PDCD10: variants seen among roughly 807,000 people sequenced by gnomAD.
PDCD10 encodes programmed cell death 10.
In PDCD10, 4 loss-of-function variants were observed where a neutral mutation model predicts 29.2. That is an observed-to-expected ratio of 0.14 (90% CI 0.07 to 0.31). The LOEUF is 0.31. Among genes scored for constraint, PDCD10 ranks in the 10% least tolerant of loss-of-function variants. The probability of loss-of-function intolerance (pLI) is 1.00; values close to 1 mark genes in which losing one functional copy is unlikely to be tolerated. For missense variants in PDCD10, 183 were observed against 257.9 expected (o/e 0.71, Z 1.99); for synonymous variants, 70 against 82.2 (o/e 0.85, Z 0.80).
intron 6 of PDCD10, among the ~76,000 whole-genome samples, chr3:167,693,806 A>T (rs1324302805): frequency 6.6e-6 from 1 of 151,988 alleles, no homozygotes; most frequent in Non-Finnish European, 1.5e-5. Flanking sequence ...AAAAAAAGAA[A>T]TTAGCTTGGT....
chr3:167,727,320 T>C (rs1290997492), intron 2 of PDCD10, among the ~76,000 whole-genome samples: 1 of 152,218 alleles, frequency 6.6e-6, no homozygotes, highest in Non-Finnish European at 1.5e-5. Context: ...AAGCAACTTG[T>C]TCAGGGGGAA....
chr3:167,699,539 G>A (rs1415081470), intron 4 of PDCD10, among the ~76,000 whole-genome samples: 3 of 152,162 alleles, frequency 2.0e-5, no homozygotes, highest in Non-Finnish European at 4.4e-5. Flanking sequence ...CTGACAAAAT[G>A]AATAAATATG....
At chr3:167,697,806 A>T in intron 4 of PDCD10, 1 of 392,456 alleles carries the variant, frequency 2.5e-6, no homozygotes, top group South Asian at 1.9e-5. Flanking sequence ...AAGACACTAA[A>T]ATTTTCTAGC....
intron 3 of PDCD10, among the ~76,000 whole-genome samples, chr3:167,714,173 T>C (rs1053904093): frequency 2.0e-5 from 3 of 151,976 alleles, no homozygotes; most frequent in Non-Finnish European, 2.9e-5. Context: ...AACAATACAT[T>C]AGAAAGATCA....
chr3:167,703,110 G>A (rs1256053900), intron 4 of PDCD10, among the ~76,000 whole-genome samples: 5 of 152,014 alleles, frequency 3.3e-5, no homozygotes, highest in African/African-American at 1.2e-4. Flanking sequence ...CTCTGTTCCT[G>A]GCATTAGAAA....
intron 6 of PDCD10, among the ~76,000 whole-genome samples, chr3:167,690,101 C>G (rs1720059928): frequency 6.6e-6 from 1 of 152,136 alleles, no homozygotes; most frequent in South Asian, 2.1e-4. Context: ...ATGAATGCGG[C>G]TTGGTGCAGA....
intron 6 of PDCD10, among the ~76,000 whole-genome samples, chr3:167,690,868 C>T (rs1171137368): frequency 6.6e-6 from 1 of 152,132 alleles, no homozygotes; most frequent in Non-Finnish European, 1.5e-5. Context: ...AACTTATATC[C>T]AAGGTTACAT....
chr3:167,693,572 A>C (rs969363015), intron 6 of PDCD10, among the ~76,000 whole-genome samples: 2 of 152,190 alleles, frequency 1.3e-5, no homozygotes, highest in Non-Finnish European at 2.9e-5. Context: ...AGTGCACACA[A>C]TTCTGATAGG....
rs1441152908 is a variant in PDCD10, at chr3:167,705,008, C to T, written c.97-113G>A. 1.1e-5 allele frequency: 7 copies of T among 658,182 alleles called. No individual in the cohort carries two copies. In the Admixed American group the frequency reaches 1.6e-4, roughly 15 times the overall value. 40.8% of individuals were successfully genotyped at this position (658,182 alleles called of 1,614,324 possible). A position where few individuals can be genotyped will look rare whatever the true frequency, so the allele number is the denominator to read the frequency against. On this transcript the variant is annotated intron_variant, in intron 3 of 8. Coordinates refer to ENST00000392750, the MANE Select transcript of PDCD10 (RefSeq NM_007217.4). ...ACACATTAAACATTTAATCAACATT[C>T]TTGTTAACAATTGTACATCACCGTA...
chr3:167,707,845 C>A (rs1312823437), intron 3 of PDCD10, among the ~76,000 whole-genome samples: 1 of 152,080 alleles, frequency 6.6e-6, no homozygotes, highest in Non-Finnish European at 1.5e-5. Flanking sequence ...ACTGCTTGGG[C>A]CTCAGTTACA....
intron 4 of PDCD10, among the ~76,000 whole-genome samples, chr3:167,703,251 C>A (rs1047435071): frequency 1.3e-5 from 2 of 151,864 alleles, no homozygotes; most frequent in Non-Finnish European, 2.9e-5. Flanking sequence ...CAAAGCCAAA[C>A]TGACACTCAA....
intron 4 of PDCD10, among the ~76,000 whole-genome samples, chr3:167,703,298 T>C (rs1322413013): frequency 2.0e-5 from 3 of 152,048 alleles, no homozygotes; most frequent in South Asian, 2.1e-4. Flanking sequence ...AAAATGATTA[T>C]GGTGTTGCTT....
In PDCD10 at chr3:167,688,147, A is replaced by G. The variant is rs567045089; in HGVS notation, c.396-454T>C. On this transcript the variant is annotated intron_variant, in intron 6 of 8. Coordinates refer to ENST00000392750, the MANE Select transcript of PDCD10 (RefSeq NM_007217.4). The stretch of plus-strand genomic sequence containing the variant: ...TAATATTCTGCATTACATATAACTC[A>G]ATTCTGTATTTAACAATGCTGTATG... Among the ~76,000 whole-genome samples the G allele has an allele frequency of 7.2e-5, 11 of 152,274 alleles. No individual in the cohort carries two copies. In the South Asian group the frequency reaches 2.3e-3, roughly 32 times the overall value.
chr3:167,730,051 AT>A (rs1472222237), intron 2 of PDCD10, among the ~76,000 whole-genome samples: 15 of 152,180 alleles, frequency 9.9e-5, no homozygotes, highest in Admixed American at 2.0e-4. Flanking sequence ...TAAGTGTAAT[AT>A]AATACACTTA....
intron 2 of PDCD10, chr3:167,731,059 G>A (rs1724751150): frequency 1.3e-5 from 2 of 152,100 alleles, no homozygotes; most frequent in Non-Finnish European, 2.9e-5. Flanking sequence ...TCTAACCATG[G>A]TTCCAGTACC....
At position 167,683,976 on chromosome 3, in the gene PDCD10, T is replaced by TTA; in HGVS notation, c.*331_*332insTA. On this transcript the variant is annotated 3_prime_UTR_variant, in exon 9 of 9. Transcript: ENST00000392750. ...GTTAAATACATTATCTTGCAGCATA[T>TTA]CGCTTTCAAGTTAAAATGTCAGAAA... The TTA allele has an allele frequency of 7.8e-6, 2 of 256,264 alleles. No individual in the cohort carries two copies. Among genetic ancestry groups the TTA allele is most frequent in the Admixed American group, 9.9e-5 (2 of 20,262 alleles). 15.9% of individuals were successfully genotyped at this position (256,264 alleles called of 1,614,324 possible).
Position 167,732,393 on chromosome 3 carries a change from G to C in PDCD10, c.-117+1821C>G, listed in dbSNP as rs185130097. On this transcript the variant is annotated intron_variant, in intron 2 of 8. Coordinates refer to ENST00000392750, the MANE Select transcript of PDCD10 (RefSeq NM_007217.4). ...CTCTAAGAAATAATGTCCAAAAGCT[G>C]ACATAAGGCTCCTGCAAAGTTCAAA... Among the ~76,000 whole-genome samples, 3 of 152,260 alleles carry C rather than the reference G, an allele frequency of 2.0e-5. No individual in the cohort carries two copies. The East Asian group carries it at 5.8e-4, about 29-fold the overall frequency.
chr3:167,727,703 A>G (rs190693117), intron 2 of PDCD10, among the ~76,000 whole-genome samples: 121 of 152,362 alleles, frequency 7.9e-4, no homozygotes, highest in Middle Eastern at 3.4e-3. Context: ...TACAATTAAA[A>G]GAATCTGTAC....
chr3:167,691,704 T>C (rs1487218961), intron 6 of PDCD10, among the ~76,000 whole-genome samples: 1 of 152,206 alleles, frequency 6.6e-6, no homozygotes, highest in Non-Finnish European at 1.5e-5. Context: ...TGTTAAAATA[T>C]CCTTTTTCAC....
Sources: gnomAD v4.1 joint callset for allele counts (sites outside exome capture counted in the v4.1 genomes callset) on GRCh38, gnomAD v4.1.1 for gene constraint, MANE v1.5 for transcripts, NCBI Gene and HGNC (gene_info 2026-07-23, HGNC 2026-07-21) for gene names.